The following WDFY4 variants were observed in gnomAD, a reference collection of about 807,000 sequenced individuals.
WDFY4 encodes the protein WD repeat- and FYVE domain-containing protein 4.
WDFY4 carries 169 observed loss-of-function variants against 351.9 expected under a neutral mutation model. The ratio of observed to expected loss-of-function variants is 0.48; its 90% CI spans 0.42 to 0.55. The LOEUF (loss-of-function observed/expected upper bound fraction) is 0.55, where lower values mean the gene tolerates loss of function less well. Among genes scored for constraint, WDFY4 ranks in the 20% least tolerant of loss-of-function variants. The probability of loss-of-function intolerance (pLI) is 0.00; values close to 1 mark genes in which losing one functional copy is unlikely to be tolerated. For missense variants in WDFY4, 3,803 were observed against 3,935.6 expected (o/e 0.97, Z 0.90); for synonymous variants, 1,622 against 1,574.6 (o/e 1.03, Z -0.71).
At chr10:48,820,155 C>T (rs2067767128) in intron 32 of WDFY4, 79 bp from the exon 33 acceptor site, 2 of 1,456,554 alleles carry the variant, frequency 1.4e-6, no homozygotes, top group African/African-American at 1.4e-5. Flanking sequence ...AATAATCCGC[C>T]CATGTACATG....
At chr10:48,911,914 G>C (rs1465185694) in intron 47 of WDFY4, among the ~76,000 whole-genome samples, 1 of 152,206 alleles carries the variant, frequency 6.6e-6, no homozygotes, top group Admixed American at 6.5e-5. Context: ...AAGCAGCAAG[G>C]GGTGAAGAAA....
rs965493144 is a variant in WDFY4 at position 48,778,776 on chromosome 10, G to A, written c.3341G>A (p.Cys1114Tyr). 1 of 1,551,634 alleles carries A rather than the reference G, an allele frequency of 6.4e-7. No homozygotes were observed. The change falls in exon 18 of 62, where the codon TGC becomes TAC. Residue 1114 changes from cysteine to tyrosine, a missense_variant. Transcript: ENST00000325239. ...QPFVCFSVSL[C>Y]PDDLSLVVST... ...TTTGTTTGCTTCTCCGTCAGCCTCT[G>A]CCCAGACGACCTCTCCTTGGTTGTT...
In WDFY4 at chr10:48,780,002, T is replaced by C. The variant is rs1249389244; in HGVS notation, c.3459T>C (p.Cys1153=). The C allele has an allele frequency of 6.4e-7, 1 of 1,551,832 alleles. No individual in the cohort carries two copies. Among genetic ancestry groups the C allele is most frequent in the Admixed American group, 2.0e-5 (1 of 51,006 alleles). The change falls in exon 19 of 62, where the codon TGT becomes TGC. Residue 1153 remains cysteine (C), a synonymous_variant. Transcript: ENST00000325239. ...CAGGATGCCAGCTTCAGGTCAGGTG[T>C]GGCCAGCTCCTGGCTTGTGGTCAGT... The part of the protein sequence containing the change: ...PSAGCQLQVR[C]GQLLACGQWH...
intron 1 of WDFY4, among the ~76,000 whole-genome samples, chr10:48,694,756 ACACT>A (rs1322358828): frequency 6.6e-6 from 1 of 152,116 alleles, no homozygotes; most frequent in Admixed American, 6.5e-5. Context: ...CATTTGCCAG[ACACT>A]CACTCACGCT....
chr10:48,812,179 C>CTTT (rs1355851618), intron 30 of WDFY4, among the ~76,000 whole-genome samples: 115 of 134,508 alleles, frequency 8.5e-4, no homozygotes, highest in African/African-American at 3.2e-3. Context: ...TCTTTCTTTT[C>CTTT]TTTTTTTTTT....
intron 43 of WDFY4, among the ~76,000 whole-genome samples, chr10:48,882,352 T>G (rs1564446084): frequency 6.6e-6 from 1 of 152,202 alleles, no homozygotes; most frequent in East Asian, 1.9e-4. Context: ...AGAACCTCAT[T>G]CTGCTATTTG....
chr10:48,862,578 C>G (rs962912150), intron 39 of WDFY4, among the ~76,000 whole-genome samples: 1 of 152,078 alleles, frequency 6.6e-6, no homozygotes, highest in African/African-American at 2.4e-5. Flanking sequence ...CAAGGTTGTT[C>G]TATATTATTG....
At chr10:48,749,650 G>A (rs577550901) in intron 12 of WDFY4, among the ~76,000 whole-genome samples, 1 of 152,308 alleles carries the variant, frequency 6.6e-6, no homozygotes, top group African/African-American at 2.4e-5. Context: ...GGGTCAGACT[G>A]TGGTGGGCCT....
intron 39 of WDFY4, among the ~76,000 whole-genome samples, chr10:48,859,693 T>G (rs1017025441): frequency 6.6e-6 from 1 of 152,342 alleles, no homozygotes; most frequent in African/African-American, 2.4e-5. Context: ...CTAGTTTTGT[T>G]ATCAGGCTAT....
intron 8 of WDFY4, among the ~76,000 whole-genome samples, chr10:48,730,840 G>A (rs909225125): frequency 8.5e-5 from 13 of 152,200 alleles, no homozygotes; most frequent in Admixed American, 3.3e-4. Flanking sequence ...CATTTCCTTT[G>A]TATTATCTTT....
intron 47 of WDFY4, among the ~76,000 whole-genome samples, chr10:48,919,635 C>T (rs781228287): frequency 6.6e-6 from 1 of 152,136 alleles, no homozygotes. Flanking sequence ...GTTTTCTTGC[C>T]GTGTCCTCAC....
chr10:48,981,145 G>A (rs1011292713), intron 60 of WDFY4, among the ~76,000 whole-genome samples: 3 of 152,198 alleles, frequency 2.0e-5, no homozygotes, highest in Non-Finnish European at 4.4e-5. Context: ...GGATACCGAG[G>A]CACGTCAGCA....
chr10:48,783,480 A>G lies in WDFY4; in HGVS notation c.3577-3159A>G, dbSNP rs75311693. On this transcript the variant is annotated intron_variant, in intron 19 of 61. Coordinates refer to ENST00000325239, the MANE Select transcript of WDFY4 (RefSeq NM_001394531.1). The stretch of plus-strand genomic sequence containing the variant: ...CATATTTATATATGTACAATTGTAT[A>G]TATCTTATGTATATATCTTATGTAT... Among the ~76,000 whole-genome samples, 202 of 136,536 alleles carry G rather than the reference A, an allele frequency of 1.5e-3. 2 individuals are homozygous for G. The East Asian group carries it at 0.038, about 26-fold the overall frequency. 89.6% of individuals were successfully genotyped at this position (136,536 alleles called of 152,430 possible).
intron 32 of WDFY4, among the ~76,000 whole-genome samples, chr10:48,817,836 ACTTGTGTGC>A (rs2067675702): frequency 6.6e-6 from 1 of 152,192 alleles, no homozygotes; most frequent in Admixed American, 6.5e-5. Context: ...CTGGGCCATG[ACTTGTGTGC>A]CCTTCTAGGC....
chr10:48,950,775 G>A (rs913493021), intron 51 of WDFY4, among the ~76,000 whole-genome samples: 1 of 152,224 alleles, frequency 6.6e-6, no homozygotes, highest in African/African-American at 2.4e-5. Flanking sequence ...TCACACACAG[G>A]TGCACAGGCA....
In WDFY4 at chr10:48,699,534, T is replaced by C. The variant is rs139810862; in HGVS notation, c.-17-10182T>C. 3.9e-3 allele frequency among the ~76,000 whole-genome samples: 589 copies of C among 152,282 alleles called. 3 individuals are homozygous for C. The highest frequency in any genetic ancestry group is 0.014 in the African/African-American group (563 of 41,554). ...CAGAGGGAGAGTGGTGGAGAGGTTT[T>C]GGAGGCAGACAGATCTGGACCTCAG... On this transcript the variant is annotated intron_variant, in intron 1 of 61. Coordinates refer to ENST00000325239, the MANE Select transcript of WDFY4 (RefSeq NM_001394531.1).
At chr10:48,882,584 G>T (rs34546247) in intron 43 of WDFY4, among the ~76,000 whole-genome samples, 2 of 151,914 alleles carry the variant, frequency 1.3e-5, no homozygotes, top group African/African-American at 4.8e-5. Flanking sequence ...TACACAAAAC[G>T]TGGTGCTGAC....
chr10:48,855,629 A>G (rs1208492730), intron 39 of WDFY4, among the ~76,000 whole-genome samples: 2 of 152,066 alleles, frequency 1.3e-5, no homozygotes, highest in African/African-American at 2.4e-5. Context: ...AATTAAAACA[A>G]TTTTTAAAAT....
rs1431207974 is a variant in WDFY4 at position 48,709,857 on chromosome 10, C to G, written c.125C>G (p.Ala42Gly). Residue 42 changes from alanine (A) to glycine (G), a missense_variant, in exon 2 of 62, where the codon GCT (alanine) becomes GGT (glycine). Transcript: ENST00000325239. ...PHGGQSSSPTALWDMLERKFL... is the reference protein window; with the variant it reads ...PHGGQSSSPTGLWDMLERKFL... ...GGAGGGCAGTCCTCCAGCCCCACAGCTCTCTGGGACATGCTGGAAAGGAAG... is the reference window on the plus strand; with the variant it reads ...GGAGGGCAGTCCTCCAGCCCCACAGGTCTCTGGGACATGCTGGAAAGGAAG... The G allele has an allele frequency of 1.3e-6, 2 of 1,551,798 alleles. No homozygotes were observed. Among genetic ancestry groups the G allele is most frequent in the Non-Finnish European group, 1.7e-6 (2 of 1,147,048 alleles).
Sources: gnomAD v4.1 joint callset for allele counts (sites outside exome capture counted in the v4.1 genomes callset) on GRCh38, gnomAD v4.1.1 for gene constraint, MANE v1.5 for transcripts, NCBI Gene and HGNC (gene_info 2026-07-23, HGNC 2026-07-21) for gene names.